ANKS3: variants seen among roughly 807,000 people sequenced by gnomAD.
ANKS3 encodes ankyrin repeat and sterile alpha motif domain containing 3.
Under a neutral mutation model 80.7 loss-of-function variants are expected in ANKS3, and 62 were observed. That is an observed-to-expected ratio of 0.77 (90% confidence interval 0.63 to 0.95). The LOEUF (loss-of-function observed/expected upper bound fraction) is 0.95, where lower values mean the gene tolerates loss of function less well. ANKS3 is among the 40% of genes least tolerant of loss of function. The pLI is 0.00. For missense variants in ANKS3, 1,150 were observed against 883.6 expected (o/e 1.30, Z -3.82); for synonymous variants, 489 against 355.3 (o/e 1.38, Z -4.23).
At chr16:4,701,216 C>T in intron 10 of ANKS3, 82 bp from the exon 11 acceptor site, 4 of 1,587,172 alleles carry the variant, frequency 2.5e-6, no homozygotes, top group Non-Finnish European at 3.4e-6. Flanking sequence ...CACACAGGGG[C>T]TTGAGAGGCT....
intron 2 of ANKS3, among the ~76,000 whole-genome samples, chr16:4,730,859 A>C (rs1403984922): frequency 6.6e-6 from 1 of 151,512 alleles, no homozygotes; most frequent in Non-Finnish European, 1.5e-5. Context: ...CTCCAAAAAC[A>C]AAACAAAAAA....
chr16:4,714,502 T>C (rs1378585103), intron 6 of ANKS3, among the ~76,000 whole-genome samples: 1 of 152,240 alleles, frequency 6.6e-6, no homozygotes, highest in African/African-American at 2.4e-5. Flanking sequence ...GCCTGGGCTG[T>C]GTCCCACTCA....
At chr16:4,710,588 A>G (rs1166914547) in intron 7 of ANKS3, among the ~76,000 whole-genome samples, 1 of 152,096 alleles carries the variant, frequency 6.6e-6, no homozygotes, top group Admixed American at 6.6e-5. Context: ...GTGCACCTAC[A>G]GTCCTAGCTA....
intron 7 of ANKS3, among the ~76,000 whole-genome samples, chr16:4,706,936 A>G (rs2080225509): frequency 6.6e-6 from 1 of 152,126 alleles, no homozygotes; most frequent in Admixed American, 6.5e-5. Flanking sequence ...AAAGAGGGAG[A>G]GCTCAGGCCC....
chr16:4,709,233 C>T (rs1444009410), intron 7 of ANKS3, among the ~76,000 whole-genome samples: 1 of 151,700 alleles, frequency 6.6e-6, no homozygotes, highest in East Asian at 2.0e-4. Flanking sequence ...ATGGAGAAAC[C>T]CTGTCTCTCC....
chr16:4,704,074 C>T (rs562525634), intron 8 of ANKS3, among the ~76,000 whole-genome samples: 15 of 152,320 alleles, frequency 9.8e-5, no homozygotes, highest in Non-Finnish European at 1.8e-4. Context: ...GCTCAGCGGA[C>T]GGGACACGGG....
rs909184218 is a variant in ANKS3 at position 4,705,311 on chromosome 16, C to T, written c.710-58G>A. The T allele has an allele frequency of 3.2e-6, 5 of 1,562,290 alleles. No individual in the cohort carries two copies. In the African/African-American group the frequency reaches 4.1e-5, roughly 13 times the overall value. On this transcript the variant is annotated intron_variant, in intron 7 of 17. Coordinates refer to ENST00000304283, the MANE Select transcript of ANKS3 (RefSeq NM_133450.4). Reference sequence around the variant, plus strand: ...TTCAGTAATGGACTCATTTACTAATCCTTACGGCAAACTGAAAGAAAGTGA... The same window carrying T: ...TTCAGTAATGGACTCATTTACTAATTCTTACGGCAAACTGAAAGAAAGTGA...
At chr16:4,701,269 T>C in intron 10 of ANKS3, 135 bp from the exon 11 acceptor site, 1 of 1,444,746 alleles carries the variant, frequency 6.9e-7, no homozygotes, top group Non-Finnish European at 9.4e-7. Context: ...TCCGGTGCGT[T>C]CGCTGTCGTC....
At chr16:4,709,402 ATC>A (rs942340397) in intron 7 of ANKS3, among the ~76,000 whole-genome samples, 20 of 150,978 alleles carry the variant, frequency 1.3e-4, no homozygotes, top group Non-Finnish European at 2.4e-4. Context: ...GCGAAACTCC[ATC>A]TCAAAAAAAA....
At position 4,724,831 on chromosome 16, in the gene ANKS3, C is replaced by T. The variant is rs2081275949; in HGVS notation, c.492G>A (p.Arg164=). 1 of 1,613,726 alleles carries T rather than the reference C, an allele frequency of 6.2e-7. No homozygotes were observed. Among genetic ancestry groups the T allele is most frequent in the South Asian group, 1.1e-5 (1 of 91,010 alleles). Residue 164 remains arginine, a splice_region_variant and synonymous_variant, in exon 6 of 18, where the codon AGG becomes AGA. Coordinates refer to ENST00000304283, the MANE Select transcript of ANKS3 (RefSeq NM_133450.4). Reference sequence around the variant, plus strand: ...AGGGAGTAAATCCACATATCGGCTCCCTGCAAGATGTGGGCCACAGTCAGA... The same window carrying T: ...AGGGAGTAAATCCACATATCGGCTCTCTGCAAGATGTGGGCCACAGTCAGA... ...LLDSGANANV[R]EPICGFTPLM... is the part of the protein sequence containing the mutation.
At chr16:4,729,627 C>G (rs1234699139) in intron 3 of ANKS3, 1 of 157,710 alleles carries the variant, frequency 6.3e-6, no homozygotes, top group Non-Finnish European at 1.4e-5. Context: ...TCCCAAAGTG[C>G]TGGAATTACA....
intron 3 of ANKS3, chr16:4,727,444 C>T (rs1206173819): frequency 9.3e-6 from 5 of 535,496 alleles, no homozygotes; most frequent in Non-Finnish European, 1.7e-5. Context: ...TTCACACCAC[C>T]AGATAGGCAG....
intron 7 of ANKS3, 177 bp downstream of exon 7, chr16:4,713,874 C>G: frequency 3.4e-6 from 3 of 871,160 alleles, no homozygotes; most frequent in Non-Finnish European, 5.1e-6. Context: ...CGTAACCATC[C>G]TTATCTCCTG....
At chr16:4,697,511 G>A (rs945222994) in intron 15 of ANKS3, 95 bp from the exon 16 acceptor site, 3 of 1,054,540 alleles carry the variant, frequency 2.8e-6, no homozygotes, top group African/African-American at 1.6e-5. Context: ...GAACCTGCTT[G>A]GATCAGAACC....
In ANKS3 at chr16:4,702,801, T is replaced by C. The variant is rs143281987; in HGVS notation, c.869-559A>G. ...CTAAAACCAAGCAGAAAAAGGGGCA[T>C]GTATACCAGGCAATTTCACTCCAGT... On this transcript the variant is annotated intron_variant, in intron 8 of 17. Coordinates refer to ENST00000304283, the MANE Select transcript of ANKS3 (RefSeq NM_133450.4). Among the ~76,000 whole-genome samples the C allele has an allele frequency of 4.6e-5, 7 of 152,154 alleles. No individual in the cohort carries two copies. The East Asian group carries it at 1.2e-3, about 25-fold the overall frequency.
At chr16:4,724,290 G>T (rs375350110) in intron 6 of ANKS3, among the ~76,000 whole-genome samples, 1 of 152,138 alleles carries the variant, frequency 6.6e-6, no homozygotes. Context: ...CAGACTATAC[G>T]TAGAATCCCA....
Position 4,730,935 on chromosome 16 carries a change from G to A in ANKS3, c.-3+577C>T, listed in dbSNP as rs567382596. 3.2e-4 allele frequency among the ~76,000 whole-genome samples: 49 copies of A among 151,934 alleles called. No individual in the cohort carries two copies. The South Asian group carries it at 7.3e-3, about 23-fold the overall frequency. On this transcript the variant is annotated intron_variant, in intron 2 of 17. Transcript: ENST00000304283. ...AATCCCTAGTGCCTCACTGTCTAACGGGGACATATCTAAAAAGGCTGCTAT... is the reference window on the plus strand; with the variant it reads ...AATCCCTAGTGCCTCACTGTCTAACAGGGACATATCTAAAAAGGCTGCTAT...
intron 3 of ANKS3, chr16:4,729,602 C>G (rs1430320451): frequency 6.5e-6 from 1 of 154,358 alleles, no homozygotes; most frequent in Non-Finnish European, 1.4e-5. Flanking sequence ...CTCAAGTGAC[C>G]CGCCCATCTC....
At chr16:4,726,568 TA>T in intron 5 of ANKS3, 90 bp downstream of exon 5, 1 of 1,459,822 alleles carries the variant, frequency 6.9e-7, no homozygotes, top group Non-Finnish European at 9.4e-7. Flanking sequence ...AGGGTGGCCC[TA>T]AACTCTGGTT....
Sources: gnomAD v4.1 joint callset for allele counts (sites outside exome capture counted in the v4.1 genomes callset) on GRCh38, gnomAD v4.1.1 for gene constraint, MANE v1.5 for transcripts, NCBI Gene and HGNC (gene_info 2026-07-23, HGNC 2026-07-21) for gene names.